GOLGA4: variants seen among roughly 807,000 people sequenced by gnomAD.
GOLGA4 encodes the protein golgin A4, also known as golgin subfamily A member 4.
A neutral mutation model predicts 265.9 loss-of-function variants in GOLGA4; 169 were observed. The ratio of observed to expected loss-of-function variants is 0.64; its 90% CI spans 0.56 to 0.72. The LOEUF is 0.72. Ranked by LOEUF, GOLGA4 falls within the 30% of genes least tolerant of loss-of-function variation. The probability of loss-of-function intolerance (pLI) is 0.00; values close to 1 mark genes in which losing one functional copy is unlikely to be tolerated. For synonymous variants in GOLGA4, 923 were observed against 855.8 expected (o/e 1.08, Z -1.37); for missense variants, 2,482 against 2,483.4 (o/e 1.00, Z 0.01).
At chr3:37,319,463 T>C in intron 12 of GOLGA4, 1 of 186,442 alleles carries the variant, frequency 5.4e-6, no homozygotes, top group Non-Finnish European at 1.1e-5. Flanking sequence ...GGTGAGATCT[T>C]GGCTCGCTGT....
At chr3:37,281,141 A>G (rs2096833604) in intron 2 of GOLGA4, among the ~76,000 whole-genome samples, 2 of 152,186 alleles carry the variant, frequency 1.3e-5, no homozygotes, top group East Asian at 3.8e-4. Context: ...TGCTTAGAAC[A>G]GTTAGTTGAA....
chr3:37,251,505 C>G lies in GOLGA4; in HGVS notation c.162+21C>G, dbSNP rs569396111. On this transcript the variant is annotated intron_variant, in intron 2 of 23. Transcript: ENST00000361924. ...GAGAGGTAAGTTTGGAATTCCTTTTCTAGTATACCTCTCAAAAGAAACTAA... is the reference window on the plus strand; with the variant it reads ...GAGAGGTAAGTTTGGAATTCCTTTTGTAGTATACCTCTCAAAAGAAACTAA... The G allele has an allele frequency of 1.6e-5, 22 of 1,382,994 alleles. No individual in the cohort carries two copies. The African/African-American group carries it at 2.8e-4, about 18-fold the overall frequency. The allele number at this position is 1,382,994 out of a possible 1,614,324, so 85.7% of individuals were successfully genotyped here. A position where few individuals can be genotyped will look rare whatever the true frequency, so the allele number is the denominator to read the frequency against.
At chr3:37,268,551 T>C (rs2096789642) in intron 2 of GOLGA4, among the ~76,000 whole-genome samples, 1 of 152,158 alleles carries the variant, frequency 6.6e-6, no homozygotes, top group African/African-American at 2.4e-5. Flanking sequence ...CTAATAATGT[T>C]AAAGTGGGGC....
chr3:37,276,102 C>T (rs1457178094), intron 2 of GOLGA4: 24 of 1,611,388 alleles, frequency 1.5e-5, no homozygotes, highest in Non-Finnish European at 2.0e-5. Flanking sequence ...CCAAGCACTT[C>T]TGATTCTGTG....
At chr3:37,257,789 G>C (rs2096752881) in intron 2 of GOLGA4, among the ~76,000 whole-genome samples, 1 of 150,380 alleles carries the variant, frequency 6.6e-6, no homozygotes, top group Admixed American at 6.7e-5. Flanking sequence ...ATTTATTAGA[G>C]GCCATAGTAA....
intron 10 of GOLGA4, among the ~76,000 whole-genome samples, chr3:37,310,736 T>TGTG (rs11436513): frequency 6.8e-5 from 10 of 146,954 alleles, no homozygotes; most frequent in African/African-American, 2.5e-4. Context: ...TGTGTGTGTG[T>TGTG]TTTTTTTTTT....
intron 3 of GOLGA4, among the ~76,000 whole-genome samples, chr3:37,283,774 A>G (rs928229703): frequency 3.9e-5 from 6 of 152,010 alleles, no homozygotes; most frequent in Admixed American, 3.9e-4. Context: ...TGATCCTCCC[A>G]CCTCAGCCTC....
At position 37,327,225 on chromosome 3, in the gene GOLGA4, T is replaced by C; in HGVS notation, c.5339T>C (p.Leu1780Pro). The C allele has an allele frequency of 6.2e-7, 1 of 1,613,902 alleles. No homozygotes were observed. The change falls in exon 14 of 24, where the codon CTA becomes CCA. Residue 1780 changes from leucine to proline, a missense_variant. Physicochemically the swap from Leu to Pro is moderately conservative, Grantham distance 98 (BLOSUM62 -3). This residue lies in a region of GOLGA4 where 942 missense variants were observed against 983.1 expected (regional missense o/e 0.96). Coordinates refer to ENST00000361924, the MANE Select transcript of GOLGA4 (RefSeq NM_002078.5). ...RCQYQERLIKLEHAEAKQHED... is the reference protein window; with the variant it reads ...RCQYQERLIKPEHAEAKQHED... ...CAATACCAGGAGCGCTTAATAAAGCTAGAACATGCTGAGGCAAAGCAACAT... is the reference window on the plus strand; with the variant it reads ...CAATACCAGGAGCGCTTAATAAAGCCAGAACATGCTGAGGCAAAGCAACAT...
At chr3:37,353,743 A>G (rs2151064765) in intron 21 of GOLGA4, among the ~76,000 whole-genome samples, 1 of 152,116 alleles carries the variant, frequency 6.6e-6, no homozygotes, top group South Asian at 2.1e-4. Context: ...TAAAATAGCC[A>G]TAATCCTGGC....
At chr3:37,340,000 T>C in intron 19 of GOLGA4, 124 bp from the exon 20 acceptor site, 1 of 472,044 alleles carries the variant, frequency 2.1e-6, no homozygotes, top group Non-Finnish European at 3.9e-6. Context: ...ACCATTTGTC[T>C]TAATTTTATT....
intron 12 of GOLGA4, chr3:37,320,116 T>TGGCG (rs1553616984): frequency 7.6e-5 from 8 of 105,848 alleles, no homozygotes; most frequent in East Asian, 4.0e-4. Context: ...AAGAGTTAAA[T>TGGCG]TAAAAAACTT....
At chr3:37,329,737 A>G (rs2096984001) in intron 16 of GOLGA4, among the ~76,000 whole-genome samples, 2 of 152,258 alleles carry the variant, frequency 1.3e-5, no homozygotes, top group Admixed American at 1.3e-4. Flanking sequence ...AAGATACACC[A>G]TGAAGATAAA....
rs1483864943 is a variant in GOLGA4 at position 37,325,489 on chromosome 3, C to T, written c.3603C>T (p.Asp1201=). The change falls in exon 14 of 24, where the codon GAC becomes GAT. Residue 1201 remains aspartate (D), a synonymous_variant. Coordinates refer to ENST00000361924, the MANE Select transcript of GOLGA4 (RefSeq NM_002078.5). The stretch of plus-strand genomic sequence containing the variant: ...AAAAAAGTAACAAAAGCCTAGAGGA[C>T]AAGAGCTTGGAATTTAAAAAACTGT... ...SHEKSNKSLE[D]KSLEFKKLSE... 6.2e-7 allele frequency: 1 copy of T among 1,613,554 alleles called. No individual in the cohort carries two copies. The highest frequency in any genetic ancestry group is 8.5e-7 in the Non-Finnish European group (1 of 1,179,662).
At chr3:37,281,632 C>T (rs751930888) in intron 2 of GOLGA4, among the ~76,000 whole-genome samples, 1 of 152,130 alleles carries the variant, frequency 6.6e-6, no homozygotes. Context: ...GATGAATCCT[C>T]ACAATACACC....
Position 37,243,544 on chromosome 3 carries a change from C to T in GOLGA4, c.-7C>T. On this transcript the variant is annotated 5_prime_UTR_variant, in exon 1 of 24. Coordinates refer to ENST00000361924, the MANE Select transcript of GOLGA4 (RefSeq NM_002078.5). Reference sequence around the variant, plus strand: ...GTTGACACTCAGGACCGTACGTACGCTGCGCCATGTTCAAGAAACTGAAGC... The same window carrying T: ...GTTGACACTCAGGACCGTACGTACGTTGCGCCATGTTCAAGAAACTGAAGC... The T allele has an allele frequency of 1.2e-6, 2 of 1,613,852 alleles. No homozygotes were observed. The highest frequency in any genetic ancestry group is 1.7e-6 in the Non-Finnish European group (2 of 1,179,766).
chr3:37,251,187 G>A (rs1031846035), intron 1 of GOLGA4, among the ~76,000 whole-genome samples: 1 of 152,164 alleles, frequency 6.6e-6, no homozygotes. Flanking sequence ...CATAGTTCTA[G>A]TTGGTGGCAG....
chr3:37,359,475 A>G (rs2097098921), intron 22 of GOLGA4, among the ~76,000 whole-genome samples: 1 of 152,188 alleles, frequency 6.6e-6, no homozygotes, highest in Non-Finnish European at 1.5e-5. Context: ...GCAAAATGTA[A>G]TGACATAAAT....
Position 37,354,888 on chromosome 3 carries a change from T to G in GOLGA4, c.6577-213T>G, listed in dbSNP as rs2298413. On this transcript the variant is annotated intron_variant, in intron 21 of 23. Transcript: ENST00000361924. ...GCTTCATGCTATTGTAAATGCATCTTGTTAAAATAATATGTGTAGACATTG... is the reference window on the plus strand; with the variant it reads ...GCTTCATGCTATTGTAAATGCATCTGGTTAAAATAATATGTGTAGACATTG... Among the ~76,000 whole-genome samples the G allele has an allele frequency of 1.1e-4, 16 of 152,242 alleles. No individual in the cohort carries two copies. The East Asian group carries it at 3.1e-3, about 29-fold the overall frequency.
At chr3:37,264,081 T>C (rs2150682073) in intron 2 of GOLGA4, among the ~76,000 whole-genome samples, 1 of 152,360 alleles carries the variant, frequency 6.6e-6, no homozygotes, top group Admixed American at 6.5e-5. Flanking sequence ...TTAGAGGTCA[T>C]AGTGTACATT....
Sources: gnomAD v4.1 joint callset for allele counts (sites outside exome capture counted in the v4.1 genomes callset) on GRCh38, gnomAD v4.1.1 for gene constraint, gnomAD v4.1.1 regional missense constraint, MANE v1.5 for transcripts, NCBI Gene and HGNC (gene_info 2026-07-23, HGNC 2026-07-21) for gene names.